Variants in FANCG observed in about 807,000 individuals in gnomAD.
The protein encoded by FANCG is FA complementation group G, also known as Fanconi anemia group G protein.
FANCG carries 67 observed loss-of-function variants against 73.3 expected under a neutral mutation model. The observed-to-expected ratio is 0.91, with a 90% CI of 0.75 to 1.12. The LOEUF (loss-of-function observed/expected upper bound fraction) is 1.12, where lower values mean the gene tolerates loss of function less well. Ranked by LOEUF, FANCG falls within the 50% of genes most tolerant of loss-of-function variation. The pLI is 0.00. For synonymous variants in FANCG, 297 were observed against 311.6 expected (o/e 0.95, Z 0.49); for missense variants, 643 against 735.6 (o/e 0.87, Z 1.46).
intron 10 of FANCG, 48 bp downstream of exon 10, chr9:35,075,417 C>T (rs754889211): frequency 1.9e-6 from 3 of 1,613,820 alleles, no homozygotes; most frequent in Non-Finnish European, 2.5e-6. Flanking sequence ...ACTCAGGTCC[C>T]AATCAGAAAA....
rs775381707 is a variant in FANCG, at chr9:35,077,095, T to A, written c.653A>T (p.Gln218Leu). ...GTCTGGGTTCCCTGTGATCAGCTCCTGGAGACCTGAGGACAGTCAGGGTGT... is the reference window on the plus strand; with the variant it reads ...GTCTGGGTTCCCTGTGATCAGCTCCAGGAGACCTGAGGACAGTCAGGGTGT... ...LTAFAYRQGL[Q>L]ELITGNPDKA... Residue 218 changes from glutamine (Q) to leucine (L), a missense_variant, in exon 6 of 14, where the codon CAG (glutamine) becomes CTG (leucine). Transcript: ENST00000378643. 3.1e-6 allele frequency: 5 copies of A among 1,614,160 alleles called. No individual in the cohort carries two copies. The highest frequency in any genetic ancestry group is 4.2e-6 in the Non-Finnish European group (5 of 1,180,014).
At chr9:35,075,775 A>G in intron 9 of FANCG, 21 bp from the exon 10 acceptor site, 1 of 1,582,310 alleles carries the variant, frequency 6.3e-7, no homozygotes, top group Non-Finnish European at 8.7e-7. Flanking sequence ...AAGAAGAAGC[A>G]GTGTCTTGAA....
chr9:35,074,629 T>C (rs1422410419), intron 12 of FANCG, 135 bp from the exon 13 acceptor site: 15 of 1,169,308 alleles, frequency 1.3e-5, no homozygotes, highest in South Asian at 3.9e-5. Context: ...GGGCAGATCA[T>C]TCACAACCAT....
At chr9:35,075,165 T>A in intron 11 of FANCG, 83 bp from the exon 12 acceptor site, 2 of 1,608,220 alleles carry the variant, frequency 1.2e-6, no homozygotes, top group Non-Finnish European at 1.7e-6. Context: ...TTTCTTCTTG[T>A]GTCCACAGTC....
intron 11 of FANCG, 50 bp downstream of exon 11, chr9:35,075,229 C>T (rs1829060011): frequency 6.2e-7 from 1 of 1,610,312 alleles, no homozygotes; most frequent in Non-Finnish European, 8.5e-7. Context: ...AACCCACTTC[C>T]ACCACTACCA....
rs746392434 is a variant in FANCG, at chr9:35,074,205, AG to A, written c.1771del (p.Leu591CysfsTer3). 3.1e-6 allele frequency: 5 copies of A among 1,614,096 alleles called. No individual in the cohort carries two copies. The highest frequency in any genetic ancestry group is 4.2e-6 in the Non-Finnish European group (5 of 1,179,940). ...CCAGCTCAAATAGCTTTCTAGGTAC[AG>A]GGGGAGAGACCTGGAGAGAAAGAAG... ...SHEDALWSLP[L>X]YLESYLSWIR... On this transcript the variant is annotated frameshift_variant, in exon 14 of 14. Transcript: ENST00000378643. LOFTEE classifies it high-confidence loss of function.
In FANCG at chr9:35,076,392, A is replaced by T. The variant is rs969148942; in HGVS notation, c.1076+40T>A. On this transcript the variant is annotated intron_variant, in intron 8 of 13. Transcript: ENST00000378643. The stretch of plus-strand genomic sequence containing the variant: ...AGTCACACCCCAGGGGAGGCATCAG[A>T]AGTGGGAAGAGAAGCTCAGGTGAGC... 3 of 1,611,638 alleles carry T rather than the reference A, an allele frequency of 1.9e-6. No homozygotes were observed. The African/African-American group carries it at 4.0e-5, about 22-fold the overall frequency.
rs17879075 is a variant in FANCG at position 35,074,704 on chromosome 9, C to T, written c.1637-210G>A. On this transcript the variant is annotated intron_variant, in intron 12 of 13. Transcript: ENST00000378643. The stretch of plus-strand genomic sequence containing the variant: ...CAACCCACAACAGCAGAGTCATGGT[C>T]TTTGTGTCTGAGGATATCGGGGAAA... 1,511 of 857,778 alleles carry T rather than the reference C, an allele frequency of 1.8e-3. 17 individuals are homozygous for T. The African/African-American group carries it at 0.021, about 12-fold the overall frequency. The allele number at this position is 857,778 out of a possible 1,614,324, so 53.1% of individuals were successfully genotyped here.
intron 4 of FANCG, among the ~76,000 whole-genome samples, chr9:35,077,658 C>G (rs1025159357): frequency 2.6e-5 from 4 of 152,048 alleles, no homozygotes; most frequent in Non-Finnish European, 5.9e-5. Flanking sequence ...CAGCGTGCCT[C>G]CTCACTCAGG....
In FANCG at chr9:35,079,586, C is replaced by T. The variant is rs1829146682; in HGVS notation, c.-62G>A. The T allele has an allele frequency of 1.3e-6, 2 of 1,551,114 alleles. No individual in the cohort carries two copies. The highest frequency in any genetic ancestry group is 1.8e-6 in the Non-Finnish European group (2 of 1,124,270). On this transcript the variant is annotated 5_prime_UTR_variant, in exon 1 of 14. Coordinates refer to ENST00000378643, the MANE Select transcript of FANCG (RefSeq NM_004629.2). ...TTAGGAAGGGTGAAGCTGGCCTGCC[C>T]AAGCTCCCAACCCCAGCGGGGAGGG...
Position 35,075,718 on chromosome 9 carries a change from G to T in FANCG, c.1180C>A (p.Pro394Thr). ...ACCGCTGCCTCCAAAAACACCTCAG[G>T]CATACAGGGCCCTGGAGGGGAGGGG... ...PPPSPPGPCM[P>T]EVFLEAAVAL... is the part of the protein sequence containing the mutation. Residue 394 changes from proline to threonine, a missense_variant, in exon 10 of 14, where the codon CCT becomes ACT. Pro to Thr is a conservative substitution (Grantham distance 38, BLOSUM62 -1). Transcript: ENST00000378643. 2 of 1,130,920 alleles carry T rather than the reference G, an allele frequency of 1.8e-6. No individual in the cohort carries two copies. The highest frequency in any genetic ancestry group is 2.5e-6 in the Non-Finnish European group (2 of 812,040). 70.1% of individuals were successfully genotyped at this position (1,130,920 alleles called of 1,614,324 possible).
intron 9 of FANCG, 24 bp from the exon 10 acceptor site, chr9:35,075,778 G>T (rs771628701): frequency 6.3e-7 from 1 of 1,587,454 alleles, no homozygotes; most frequent in Admixed American, 1.7e-5. Flanking sequence ...AAGAAGCAGT[G>T]TCTTGAAAGG....
Position 35,074,060 on chromosome 9 carries a change from A to T in FANCG, c.*48T>A, listed in dbSNP as rs753741558. On this transcript the variant is annotated 3_prime_UTR_variant, in exon 14 of 14. Transcript: ENST00000378643. ...GTGAAGCAGAAAGCCCTCCCCACAG[A>T]GAGACAGCCCACTGGGGACCCAGCT... 4 of 1,353,920 alleles carry T rather than the reference A, an allele frequency of 3.0e-6. No individual in the cohort carries two copies. In the Admixed American group the frequency reaches 5.0e-5, roughly 17 times the overall value. 83.9% of individuals were successfully genotyped at this position (1,353,920 alleles called of 1,614,324 possible). A position where few individuals can be genotyped will look rare whatever the true frequency, so the allele number is the denominator to read the frequency against.
chr9:35,078,463 C>T (rs1029690021), intron 3 of FANCG, 120 bp from the exon 4 acceptor site: 1 of 1,520,016 alleles, frequency 6.6e-7, no homozygotes, highest in Admixed American at 1.8e-5. Context: ...AATAATAATA[C>T]CTCAACCTGG....
intron 10 of FANCG, 51 bp from the exon 11 acceptor site, chr9:35,075,376 T>C (rs1422335782): frequency 6.2e-7 from 1 of 1,613,562 alleles, no homozygotes; most frequent in East Asian, 2.2e-5. Context: ...TCAGAAACTC[T>C]AGGGTAAGTA....
In FANCG at chr9:35,074,001, G is replaced by A. The variant is rs1829027495; in HGVS notation, c.*107C>T. 1 of 884,358 alleles carries A rather than the reference G, an allele frequency of 1.1e-6. No homozygotes were observed. The allele number at this position is 884,358 out of a possible 1,614,324, so 54.8% of individuals were successfully genotyped here. The stretch of plus-strand genomic sequence containing the variant: ...CCTACCACCAATCTCACCAGTCCAG[G>A]AATTATATAGGAATGGTCACATTCC... On this transcript the variant is annotated 3_prime_UTR_variant, in exon 14 of 14. Transcript: ENST00000378643.
chr9:35,076,885 G>C lies in FANCG; in HGVS notation c.778-15C>G. 3 of 1,614,240 alleles carry C rather than the reference G, an allele frequency of 1.9e-6. No individual in the cohort carries two copies. Among genetic ancestry groups the C allele is most frequent in the East Asian group, 2.2e-5 (1 of 44,882 alleles). On this transcript the variant is annotated splice_polypyrimidine_tract_variant and intron_variant, in intron 6 of 13. Coordinates refer to ENST00000378643, the MANE Select transcript of FANCG (RefSeq NM_004629.2). Reference sequence around the variant, plus strand: ...TGTGGATTTCCCTAAAGGGATAGGAGGACACGGGCCTCAGCTACCCTTACA... The same window carrying C: ...TGTGGATTTCCCTAAAGGGATAGGACGACACGGGCCTCAGCTACCCTTACA...
chr9:35,078,093 GAGGA>G, intron 4 of FANCG, 44 bp downstream of exon 4: 1 of 1,549,918 alleles, frequency 6.5e-7, no homozygotes, highest in Non-Finnish European at 8.9e-7. Flanking sequence ...GAGAAAGGAG[GAGGA>G]AGGAAGGAGG....
chr9:35,078,624 G>C lies in FANCG; in HGVS notation c.288C>G (p.Ile96Met), dbSNP rs1406929622. The C allele has an allele frequency of 1.9e-6, 3 of 1,614,158 alleles. No homozygotes were observed. The South Asian group carries it at 3.3e-5, about 18-fold the overall frequency. ...QGFTEDQAQD[I>M]QRSLERVLET... ...CCTCACCTCTCTCTAGGCTCCGCTG[G>C]ATATCCTGGGCCTGATCCTCTGTGA... is the stretch of plus-strand genomic sequence containing the variant. The change falls in exon 3 of 14, where the codon ATC (isoleucine) becomes ATG (methionine). Residue 96 changes from isoleucine to methionine, a missense_variant. Transcript: ENST00000378643.
Sources: allele counts gnomAD v4.1 joint callset (sites outside exome capture counted in the v4.1 genomes callset), GRCh38; gene constraint gnomAD v4.1.1; transcripts MANE v1.5; gene names NCBI Gene and HGNC (gene_info 2026-07-23, HGNC 2026-07-21).